The following ARMCX4 variants were observed in gnomAD, a reference collection of about 807,000 sequenced individuals.
The protein encoded by ARMCX4 is armadillo repeat containing X-linked 4.
ARMCX4 carries 3 observed loss-of-function variants against 34.7 expected under a neutral mutation model. That is an observed-to-expected ratio of 0.09 (90% CI 0.04 to 0.22). The LOEUF (loss-of-function observed/expected upper bound fraction) is 0.22. Ranked by LOEUF, ARMCX4 falls within the 10% of genes least tolerant of loss-of-function variation. The probability of loss-of-function intolerance (pLI) is 1.00; values close to 1 mark genes in which losing one functional copy is unlikely to be tolerated. For missense variants in ARMCX4, 1,448 were observed against 1,720.8 expected (o/e 0.84, Z 2.81); for synonymous variants, 513 against 632.8 (o/e 0.81, Z 2.84).
intron 2 of ARMCX4, among the ~76,000 whole-genome samples, chrX:101,441,325 C>T (rs1400563717): frequency 9.0e-6 from 1 of 110,833 alleles, no homozygotes; most frequent in African/African-American, 3.3e-5. Context: ...CCATGCAAAT[C>T]CCAGGAGTGC....
downstream of ARMCX4, among the ~76,000 whole-genome samples, chrX:101,496,715 G>A (rs1556011922): frequency 9.0e-6 from 1 of 111,456 alleles, no homozygotes; most frequent in African/African-American, 3.3e-5. Flanking sequence ...GTGTTGTTGG[G>A]ATACACATAG....
intron 5 of ARMCX4, 64 bp downstream of exon 5, chrX:101,488,163 T>C: frequency 2.3e-6 from 1 of 436,594 alleles, no homozygotes; most frequent in Non-Finnish European, 3.5e-6. Flanking sequence ...AATCAAAGTC[T>C]GGGACTTCTT....
chrX:101,431,605 A>G (rs1169052347), intron 2 of ARMCX4, among the ~76,000 whole-genome samples: 2 of 111,264 alleles, frequency 1.8e-5, no homozygotes, highest in East Asian at 2.8e-4. Context: ...GTGCAGTGGC[A>G]CAATCTCGGC....
intron 11 of ARMCX4, among the ~76,000 whole-genome samples, chrX:101,525,265 A>G (rs144630563): frequency 0.017 from 1,886 of 112,151 alleles, 37 homozygotes; most frequent in African/African-American, 0.058. Context: ...AAACAGGAAT[A>G]GCATCAACAT....
At chrX:101,451,279 C>T (rs1354474495), downstream of ARMCX4, among the ~76,000 whole-genome samples, 1 of 111,795 alleles carries the variant, frequency 8.9e-6, no homozygotes, top group Non-Finnish European at 1.9e-5. Context: ...TAGGGATGGT[C>T]TAAATGCTCC....
At chrX:101,515,381 T>TTCTTTCTTTCTTTC (rs782141206) in intron 11 of ARMCX4, among the ~76,000 whole-genome samples, 13 of 12,257 alleles carry the variant, frequency 1.1e-3, no homozygotes, top group Admixed American at 2.2e-3. Context: ...CTTTCTTTCT[T>TTCTTTCTTTCTTTC]TTTCTTTCTT....
At chrX:101,423,708 C>T (rs994250613) in intron 2 of ARMCX4, among the ~76,000 whole-genome samples, 8 of 110,955 alleles carry the variant, frequency 7.2e-5, no homozygotes, top group Non-Finnish European at 1.5e-4. Flanking sequence ...AGATTTAGGA[C>T]GGGGGCGCTG....
intron 11 of ARMCX4, among the ~76,000 whole-genome samples, chrX:101,523,054 G>T (rs1190550672): frequency 2.7e-5 from 3 of 111,529 alleles, no homozygotes; most frequent in African/African-American, 9.8e-5. Flanking sequence ...ATGAAGCTAC[G>T]TTCACTTAGG....
In ARMCX4 at chrX:101,491,464, G is replaced by A. The variant is rs781796144; in HGVS notation, c.2875G>A (p.Glu959Lys). The change falls in exon 6 of 6, where the codon GAG becomes AAG. Residue 959 changes from glutamate to lysine, a missense_variant. Physicochemically the swap from Glu to Lys is moderately conservative, Grantham distance 56. This residue lies in a region of ARMCX4 where 1,343 missense variants were observed against 1,540.7 expected (regional missense o/e 0.87). Coordinates refer to ENST00000423738, the MANE Select transcript of ARMCX4 (RefSeq NM_001256155.3). ...CCAGGTTGTGGCCAGTTTTCAGGGT[G>A]AGGTCTTGCCTGGGGCCAAAAATAA... is the stretch of plus-strand genomic sequence containing the variant. ...QVQVVASFQG[E>K]VLPGAKNKVR... 98 of 1,155,371 alleles carry A rather than the reference G, an allele frequency of 8.5e-5. No homozygotes were observed. The highest frequency in any genetic ancestry group is 1.1e-4 in the Non-Finnish European group (96 of 872,913).
At chrX:101,498,234 T>A (rs782655225), downstream of ARMCX4, 1 of 326,132 alleles carries the variant, frequency 3.1e-6, no homozygotes. Context: ...CCTGCAACAG[T>A]TGGTACAAGA....
At chrX:101,461,821 A>G (rs782351117) in intron 4 of ARMCX4, among the ~76,000 whole-genome samples, 21 of 112,237 alleles carry the variant, frequency 1.9e-4, no homozygotes, top group Non-Finnish European at 3.4e-4. Flanking sequence ...AATAATTTTA[A>G]ATTTACAAAG....
intron 2 of ARMCX4, among the ~76,000 whole-genome samples, chrX:101,428,654 G>C: frequency 9.0e-6 from 1 of 111,262 alleles, no homozygotes; most frequent in East Asian, 2.8e-4. Flanking sequence ...ATTTGAGAGA[G>C]AGTTGATGGC....
upstream of ARMCX4, among the ~76,000 whole-genome samples, chrX:101,481,344 C>G (rs921319785): frequency 1.8e-5 from 2 of 111,946 alleles, no homozygotes; most frequent in Non-Finnish European, 3.8e-5. Flanking sequence ...GTGAGATATT[C>G]AACACTTTAT....
At chrX:101,452,333 C>G (rs782544225), downstream of ARMCX4, among the ~76,000 whole-genome samples, 15 of 111,939 alleles carry the variant, frequency 1.3e-4, no homozygotes, top group Non-Finnish European at 2.1e-4. Context: ...ATCACAGTTA[C>G]ATCTCTCTTA....
chrX:101,421,742 C>T, intron 2 of ARMCX4, among the ~76,000 whole-genome samples: 1 of 110,268 alleles, frequency 9.1e-6, no homozygotes, highest in African/African-American at 3.3e-5. Context: ...CGATCTTGCC[C>T]TTTTATAATG....
chrX:101,514,319 A>T (rs1934661627), intron 11 of ARMCX4, among the ~76,000 whole-genome samples: 1 of 111,513 alleles, frequency 9.0e-6, no homozygotes, highest in Non-Finnish European at 1.9e-5. Context: ...TGGCTATGAA[A>T]AAAATAGCAC....
intron 11 of ARMCX4, among the ~76,000 whole-genome samples, chrX:101,523,324 A>C (rs1171861069): frequency 1.8e-5 from 2 of 111,991 alleles, no homozygotes; most frequent in Non-Finnish European, 1.9e-5. Flanking sequence ...TCACAGAAGG[A>C]TCCTCCAAGG....
intron 4 of ARMCX4, among the ~76,000 whole-genome samples, chrX:101,472,716 A>G (rs1297346051): frequency 1.2e-5 from 1 of 86,808 alleles, no homozygotes; most frequent in Admixed American, 1.3e-4. Context: ...TAAACTTCAT[A>G]AGTGAAGGAG....
intron 2 of ARMCX4, among the ~76,000 whole-genome samples, chrX:101,431,092 C>T (rs1555991863): frequency 9.0e-6 from 1 of 111,235 alleles, no homozygotes; most frequent in East Asian, 2.8e-4. Flanking sequence ...TCAGCTTCTG[C>T]CCTCCATTCC....
Sources: allele counts gnomAD v4.1 joint callset (sites outside exome capture counted in the v4.1 genomes callset), GRCh38; gene constraint gnomAD v4.1.1; regional missense constraint gnomAD v4.1.1; transcripts MANE v1.5; gene names NCBI Gene and HGNC (gene_info 2026-07-23, HGNC 2026-07-21).